The following NCKAP5 variants were observed in gnomAD, a reference collection of about 807,000 sequenced individuals.
The protein encoded by NCKAP5 is nck-associated protein 5.
Under a neutral mutation model 167.0 loss-of-function variants are expected in NCKAP5, and 92 were observed. The observed-to-expected ratio is 0.55, with a 90% CI of 0.47 to 0.66. The LOEUF is 0.66. Among genes scored for constraint, NCKAP5 ranks in the 30% least tolerant of loss-of-function variants. The pLI is 0.00. For missense variants in NCKAP5, 2,378 were observed against 2,315.0 expected (o/e 1.03, Z -0.56); for synonymous variants, 891 against 877.4 (o/e 1.02, Z -0.27).
intron 6 of NCKAP5, among the ~76,000 whole-genome samples, chr2:133,009,227 T>C (rs1196978790): frequency 4.6e-5 from 7 of 152,216 alleles, no homozygotes; most frequent in Non-Finnish European, 1.5e-5. Context: ...AATGTTCTCC[T>C]AACTTATTCA....
chr2:132,765,891 T>C (rs1280847465), intron 16 of NCKAP5, among the ~76,000 whole-genome samples: 1 of 152,168 alleles, frequency 6.6e-6, no homozygotes, highest in Non-Finnish European at 1.5e-5. Context: ...CGATAAGCCA[T>C]GTCCTTCATC....
chr2:133,177,189 CTCA>C (rs2084506873), intron 5 of NCKAP5, among the ~76,000 whole-genome samples: 1 of 97,446 alleles, frequency 1.0e-5, no homozygotes, highest in Admixed American at 1.2e-4. Flanking sequence ...TATATATATA[CTCA>C]AGAAACTTCT....
At chr2:133,226,604 A>AACACACACACAC (rs3051222) in intron 4 of NCKAP5, among the ~76,000 whole-genome samples, 19,111 of 138,932 alleles carry the variant, frequency 0.14, 1,554 homozygotes, top group Non-Finnish European at 0.18. Context: ...TTTGAAGATA[A>AACACACACACAC]ACACACACAC....
At chr2:133,358,984 C>A (rs1026626371) in intron 3 of NCKAP5, among the ~76,000 whole-genome samples, 8 of 152,122 alleles carry the variant, frequency 5.3e-5, no homozygotes, top group Non-Finnish European at 1.2e-4. Flanking sequence ...GTTTTTTCAA[C>A]TTAAGAGCTC....
chr2:133,593,524 T>C, the NCKAP5 span, among the ~76,000 whole-genome samples: 5 of 148,244 alleles, frequency 3.4e-5, no homozygotes, highest in African/African-American at 1.3e-4. Flanking sequence ...TAAAATTTTA[T>C]TTTTTTTAAG....
At position 132,783,185 on chromosome 2, in the gene NCKAP5, G is replaced by A; in HGVS notation, c.3626C>T (p.Thr1209Ile). 1 of 1,613,904 alleles carries A rather than the reference G, an allele frequency of 6.2e-7. No homozygotes were observed. The highest frequency in any genetic ancestry group is 8.5e-7 in the Non-Finnish European group (1 of 1,179,878). The change falls in exon 14 of 20, where the codon ACC (threonine) becomes ATC (isoleucine). Residue 1209 changes from threonine (T) to isoleucine (I), a missense_variant. Physicochemically the swap from Thr to Ile is moderately conservative, Grantham distance 89 (BLOSUM62 -1). This residue lies in a region of NCKAP5 where 1,325 missense variants were observed against 1,274.5 expected (regional missense o/e 1.04). Coordinates refer to ENST00000409261, the MANE Select transcript of NCKAP5 (RefSeq NM_207363.3). ...MEITAGERNV[T>I]LPDSQAQGSL... Reference sequence around the variant, plus strand: ...GCCCTGTGCTTGTGAATCCGGTAGGGTCACATTTCTTTCACCCGCTGTGAT... The same window carrying A: ...GCCCTGTGCTTGTGAATCCGGTAGGATCACATTTCTTTCACCCGCTGTGAT...
At chr2:133,142,647 C>A (rs2149843715) in intron 5 of NCKAP5, among the ~76,000 whole-genome samples, 1 of 152,236 alleles carries the variant, frequency 6.6e-6, no homozygotes, top group East Asian at 1.9e-4. Context: ...ATATCTGCCC[C>A]TTTCTAGAGG....
intron 15 of NCKAP5, 118 bp from the exon 16 acceptor site, chr2:132,774,012 G>T: frequency 1.3e-6 from 1 of 773,396 alleles, no homozygotes; most frequent in South Asian, 1.7e-5. Flanking sequence ...GTGAGTGTTT[G>T]CATGTATATA....
intron 3 of NCKAP5, among the ~76,000 whole-genome samples, chr2:133,362,029 A>T (rs1251125011): frequency 6.6e-6 from 1 of 152,138 alleles, no homozygotes; most frequent in Non-Finnish European, 1.5e-5. Flanking sequence ...AAAACAGTGT[A>T]AAAAAGTCTA....
chr2:132,828,199 T>G (rs377251938), intron 11 of NCKAP5, among the ~76,000 whole-genome samples: 2 of 152,168 alleles, frequency 1.3e-5, no homozygotes, highest in East Asian at 3.9e-4. Context: ...ACAGTTCTAT[T>G]GTTCATAAAT....
intron 3 of NCKAP5, among the ~76,000 whole-genome samples, chr2:133,330,398 T>C (rs1411339044): frequency 2.2e-5 from 3 of 138,108 alleles, no homozygotes; most frequent in Non-Finnish European, 3.1e-5. Context: ...ATTGTTTTTG[T>C]TTTTTTTTTT....
intron 8 of NCKAP5, among the ~76,000 whole-genome samples, chr2:132,907,492 A>G (rs1478301541): frequency 6.6e-6 from 1 of 151,862 alleles, no homozygotes; most frequent in East Asian, 1.9e-4. Context: ...CTCTGTCCAC[A>G]TTTTCCTCTT....
intron 7 of NCKAP5, among the ~76,000 whole-genome samples, chr2:132,968,520 A>G (rs1385065474): frequency 6.6e-6 from 1 of 152,172 alleles, no homozygotes; most frequent in African/African-American, 2.4e-5. Context: ...TAAGGTGAGG[A>G]GTTGGACTCA....
At chr2:132,911,956 C>G (rs1694488266) in intron 8 of NCKAP5, among the ~76,000 whole-genome samples, 1 of 151,906 alleles carries the variant, frequency 6.6e-6, no homozygotes, top group Non-Finnish European at 1.5e-5. Flanking sequence ...GAGGCACGCC[C>G]ACAGTGTCTG....
At chr2:133,090,942 T>C (rs1053748861) in intron 6 of NCKAP5, among the ~76,000 whole-genome samples, 1 of 152,106 alleles carries the variant, frequency 6.6e-6, no homozygotes, top group Non-Finnish European at 1.5e-5. Context: ...TAATCCGCAG[T>C]GTTAGAGGGG....
chr2:133,621,507 A>G, the NCKAP5 span, among the ~76,000 whole-genome samples: 1 of 152,178 alleles, frequency 6.6e-6, no homozygotes, highest in Non-Finnish European at 1.5e-5. Flanking sequence ...TTATTTCCAT[A>G]AACTGGAAAA....
intron 19 of NCKAP5, among the ~76,000 whole-genome samples, chr2:132,692,821 A>T (rs534695157): frequency 6.6e-6 from 1 of 152,328 alleles, no homozygotes; most frequent in African/African-American, 2.4e-5. Context: ...GCCAGTGAGA[A>T]ATTCTCCATG....
At chr2:133,055,079 G>T (rs2149495395) in intron 6 of NCKAP5, among the ~76,000 whole-genome samples, 1 of 152,240 alleles carries the variant, frequency 6.6e-6, no homozygotes, top group East Asian at 1.9e-4. Context: ...TGGGGAGAAA[G>T]GAGTGAGTAG....
intron 12 of NCKAP5, among the ~76,000 whole-genome samples, chr2:132,794,257 TATATATAGAGAGAGAGAGAG>T (rs1189117516): frequency 8.3e-4 from 34 of 40,958 alleles, no homozygotes; most frequent in African/African-American, 2.9e-3. Flanking sequence ...TATATATATA[TATATATAGAGAGAGAGAGAG>T]AGAGAGAGAG....
Sources: gnomAD v4.1 joint callset for allele counts (sites outside exome capture counted in the v4.1 genomes callset) on GRCh38, gnomAD v4.1.1 for gene constraint, gnomAD v4.1.1 regional missense constraint, MANE v1.5 for transcripts, NCBI Gene and HGNC (gene_info 2026-07-23, HGNC 2026-07-21) for gene names.